PDCD10: variants seen among roughly 807,000 people sequenced by gnomAD.
PDCD10 encodes the protein programmed cell death protein 10.
In PDCD10, 4 loss-of-function variants were observed where a neutral mutation model predicts 29.2. That is an observed-to-expected ratio of 0.14 (90% confidence interval 0.07 to 0.31). The LOEUF (loss-of-function observed/expected upper bound fraction) is 0.31, where lower values mean the gene tolerates loss of function less well. Among genes scored for constraint, PDCD10 ranks in the 10% least tolerant of loss-of-function variants. The pLI is 1.00. For synonymous variants in PDCD10, 70 were observed against 82.2 expected, an observed-to-expected ratio of 0.85 and a Z score of 0.80; for missense variants, 183 against 257.9, an observed-to-expected ratio of 0.71 and a Z score of 1.99.
At chr3:167,717,795 C>T (rs528632679) in intron 3 of PDCD10, among the ~76,000 whole-genome samples, 4 of 151,980 alleles carry the variant, frequency 2.6e-5, no homozygotes, top group East Asian at 3.9e-4. Context: ...GAATACATGA[C>T]AGAAATAATT....
intron 5 of PDCD10, among the ~76,000 whole-genome samples, chr3:167,696,709 C>T (rs1720848845): frequency 6.6e-6 from 1 of 152,058 alleles, no homozygotes; most frequent in East Asian, 1.9e-4. Flanking sequence ...TCCAAATAAG[C>T]TTATCTTTTA....
chr3:167,708,637 A>G (rs1722235315), intron 3 of PDCD10, among the ~76,000 whole-genome samples: 1 of 152,228 alleles, frequency 6.6e-6, no homozygotes, highest in South Asian at 2.1e-4. Context: ...GACAGAAGTA[A>G]TGGAATCAAG....
At chr3:167,687,715 A>G (rs757890205) in intron 6 of PDCD10, 22 bp from the exon 7 acceptor site, 1 of 1,269,500 alleles carries the variant, frequency 7.9e-7, no homozygotes, top group South Asian at 1.2e-5. Flanking sequence ...AGAATAAAGA[A>G]TATCAGCTAC....
intron 2 of PDCD10, among the ~76,000 whole-genome samples, chr3:167,725,852 A>G (rs1724105950): frequency 6.8e-6 from 1 of 146,616 alleles, no homozygotes; most frequent in South Asian, 2.2e-4. Context: ...GCAGAAAGAT[A>G]CAGGGAAAAA....
At chr3:167,695,286 T>C (rs1297323645) in intron 6 of PDCD10, among the ~76,000 whole-genome samples, 1 of 152,254 alleles carries the variant, frequency 6.6e-6, no homozygotes, top group East Asian at 1.9e-4. Context: ...TATATCTTAC[T>C]ACCAATCTCT....
At chr3:167,731,015 T>A (rs1256940357) in intron 2 of PDCD10, 2 of 151,996 alleles carry the variant, frequency 1.3e-5, no homozygotes, top group Non-Finnish European at 2.9e-5. Context: ...AAAGAAAAAA[T>A]TATGGATTCT....
At chr3:167,698,133 T>C (rs1365322311) in intron 4 of PDCD10, among the ~76,000 whole-genome samples, 2 of 152,188 alleles carry the variant, frequency 1.3e-5, no homozygotes, top group Non-Finnish European at 2.9e-5. Flanking sequence ...TATTGCTCTT[T>C]CCATTATAAC....
chr3:167,703,614 T>A (rs894686558), intron 4 of PDCD10, among the ~76,000 whole-genome samples: 1 of 152,150 alleles, frequency 6.6e-6, no homozygotes, highest in African/African-American at 2.4e-5. Flanking sequence ...TTATTTGAGC[T>A]ACTGATGGGA....
At chr3:167,715,964 T>G (rs1577359363) in intron 3 of PDCD10, among the ~76,000 whole-genome samples, 2 of 152,014 alleles carry the variant, frequency 1.3e-5, no homozygotes, top group East Asian at 3.8e-4. Context: ...AAGAGATTTC[T>G]ACACTTCCAT....
intron 2 of PDCD10, among the ~76,000 whole-genome samples, chr3:167,723,380 C>A (rs574128314): frequency 2.0e-5 from 3 of 152,244 alleles, no homozygotes; most frequent in African/African-American, 7.2e-5. Flanking sequence ...CAAGTCCCGG[C>A]AGCTGGGTAG....
intron 2 of PDCD10, among the ~76,000 whole-genome samples, chr3:167,732,907 C>T (rs1559984917): frequency 6.6e-6 from 1 of 152,218 alleles, no homozygotes; most frequent in Non-Finnish European, 1.5e-5. Context: ...AGTCAGTTAT[C>T]ACCACATAAT....
At chr3:167,706,559 A>ATG (rs3061384) in intron 3 of PDCD10, among the ~76,000 whole-genome samples, 52,326 of 151,962 alleles carry the variant, frequency 0.34, 10,917 homozygotes, top group African/African-American at 0.6. Flanking sequence ...AAAAGAGGTA[A>ATG]TGTTGCGCTA....
rs530237383 is a variant in PDCD10 at position 167,719,858 on chromosome 3, C to T, written c.96+204G>A. On this transcript the variant is annotated intron_variant, in intron 3 of 8. Coordinates refer to ENST00000392750, the MANE Select transcript of PDCD10 (RefSeq NM_007217.4). The stretch of plus-strand genomic sequence containing the variant: ...GTGTTCTTTTATTAAATGTCTCTTT[C>T]CCATTATAGCATAATCTCTAGAGGG... Among the ~76,000 whole-genome samples, 5 of 152,162 alleles carry T rather than the reference C, an allele frequency of 3.3e-5. No homozygotes were observed. In the South Asian group the frequency reaches 1.0e-3, roughly 31 times the overall value.
intron 2 of PDCD10, among the ~76,000 whole-genome samples, chr3:167,726,204 G>A (rs1293219651): frequency 1.4e-5 from 2 of 140,030 alleles, no homozygotes; most frequent in South Asian, 2.3e-4. Flanking sequence ...AGGTTCAAGC[G>A]ATTCCCCTTC....
intron 4 of PDCD10, among the ~76,000 whole-genome samples, chr3:167,700,369 G>C (rs181585633): frequency 6.6e-6 from 1 of 151,840 alleles, no homozygotes; most frequent in Non-Finnish European, 1.5e-5. Flanking sequence ...CATGGGACCC[G>C]ACAAAGTGCC....
chr3:167,700,808 C>A (rs1721332049), intron 4 of PDCD10, among the ~76,000 whole-genome samples: 1 of 152,074 alleles, frequency 6.6e-6, no homozygotes, highest in Non-Finnish European at 1.5e-5. Flanking sequence ...TTCTGATGAC[C>A]AAGAGGCAGC....
rs576656107 is a variant in PDCD10 at position 167,683,646 on chromosome 3, A to C, written c.*662T>G. ...GCTATCTCTTACTCATAAGTCGTTT[A>C]AAACAGGTTGGAAATCATATAAAAA... On this transcript the variant is annotated 3_prime_UTR_variant, in exon 9 of 9. Coordinates refer to ENST00000392750, the MANE Select transcript of PDCD10 (RefSeq NM_007217.4). 6.6e-6 allele frequency: 1 copy of C among 152,094 alleles called. No individual in the cohort carries two copies. The highest frequency in any genetic ancestry group is 6.5e-5 in the Admixed American group (1 of 15,280). The allele number at this position is 152,094 out of a possible 1,614,324, so 9.4% of individuals were successfully genotyped here.
intron 3 of PDCD10, among the ~76,000 whole-genome samples, chr3:167,707,245 T>C (rs1490357900): frequency 6.6e-6 from 1 of 152,220 alleles, no homozygotes; most frequent in Non-Finnish European, 1.5e-5. Context: ...AGAAGTTTCT[T>C]CAGGGTTGGT....
intron 4 of PDCD10, among the ~76,000 whole-genome samples, chr3:167,702,468 G>A (rs1721544543): frequency 6.6e-6 from 1 of 152,194 alleles, no homozygotes; most frequent in African/African-American, 2.4e-5. Context: ...TTTGCTACCA[G>A]TAAGATGTTC....
Sources: allele counts gnomAD v4.1 joint callset (sites outside exome capture counted in the v4.1 genomes callset), GRCh38; gene constraint gnomAD v4.1.1; transcripts MANE v1.5; gene names NCBI Gene and HGNC (gene_info 2026-07-23, HGNC 2026-07-21).